GRXCR1: variants seen among roughly 807,000 people sequenced by gnomAD.
GRXCR1 encodes glutaredoxin and cysteine rich domain containing 1.
Under a neutral mutation model 27.3 loss-of-function variants are expected in GRXCR1, and 27 were observed. That is an observed-to-expected ratio of 0.99 (90% confidence interval 0.73 to 1.37). The LOEUF is 1.37. GRXCR1 is among the 40% of genes most tolerant of loss of function. GRXCR1 has a pLI of 0.00. For synonymous variants in GRXCR1, 122 were observed against 131.1 expected, an observed-to-expected ratio of 0.93 and a Z score of 0.47; for missense variants, 379 against 354.4, an observed-to-expected ratio of 1.07 and a Z score of -0.56.
At chr4:42,897,921 CTATTATTAT>C (rs3075913) in intron 1 of GRXCR1, among the ~76,000 whole-genome samples, 22 of 127,060 alleles carry the variant, frequency 1.7e-4, no homozygotes, top group African/African-American at 5.5e-4. Context: ...AAAGTTATTA[CTATTATTAT>C]TATTATTATT....
intron 2 of GRXCR1, among the ~76,000 whole-genome samples, chr4:43,012,121 T>G (rs1056713406): frequency 6.6e-6 from 1 of 152,242 alleles, no homozygotes; most frequent in Admixed American, 6.5e-5. Context: ...AAAAAAAAAT[T>G]GACTCAATTT....
intron 1 of GRXCR1, among the ~76,000 whole-genome samples, chr4:42,947,816 A>G (rs148205196): frequency 1.7e-3 from 258 of 152,334 alleles, no homozygotes; most frequent in African/African-American, 6.1e-3. Context: ...TTGAATATAC[A>G]ATCAATAATA....
chr4:42,963,034 C>T lies in GRXCR1; in HGVS notation c.527C>T (p.Ala176Val), dbSNP rs781151937. Reference protein sequence around the residue: ...HRVKFEEKNIALNGEYGKELD... With the variant: ...HRVKFEEKNIVLNGEYGKELD... ...GTAAAATTTGAAGAGAAAAACATAG[C>T]CCTGAATGGTGAATATGGAAAAGAG... Residue 176 changes from alanine to valine, a missense_variant, in exon 2 of 4, where the codon GCC becomes GTC. By Grantham distance (64) the Ala-to-Val change is moderately conservative. Transcript: ENST00000399770. The T allele has an allele frequency of 6.2e-7, 1 of 1,612,758 alleles. No individual in the cohort carries two copies. Among genetic ancestry groups the T allele is most frequent in the Non-Finnish European group, 8.5e-7 (1 of 1,179,066 alleles).
chr4:42,928,380 G>A (rs759420660), intron 1 of GRXCR1, among the ~76,000 whole-genome samples: 2 of 151,978 alleles, frequency 1.3e-5, no homozygotes, highest in African/African-American at 2.4e-5. Context: ...CAGGAAGCTT[G>A]GTTCCTTATG....
chr4:42,951,566 C>A (rs923077021), intron 1 of GRXCR1, among the ~76,000 whole-genome samples: 5 of 152,164 alleles, frequency 3.3e-5, no homozygotes, highest in African/African-American at 1.2e-4. Flanking sequence ...CATCGTAATG[C>A]TGCAATGAAC....
At position 42,932,038 on chromosome 4, in the gene GRXCR1, G is replaced by T. The variant is rs892012418; in HGVS notation, c.385-30854G>T. On this transcript the variant is annotated intron_variant, in intron 1 of 3. Coordinates refer to ENST00000399770, the MANE Select transcript of GRXCR1 (RefSeq NM_001080476.3). Reference sequence around the variant, plus strand: ...ACTATCAGGCAAACAGCACGGAAAAGACCCACCCCCATGATTCAGTTACCT... The same window carrying T: ...ACTATCAGGCAAACAGCACGGAAAATACCCACCCCCATGATTCAGTTACCT... Among the ~76,000 whole-genome samples the T allele has an allele frequency of 1.5e-4, 23 of 151,852 alleles. 1 individual carries two copies. The highest frequency in any genetic ancestry group is 5.3e-4 in the African/African-American group (22 of 41,390).
intron 2 of GRXCR1, among the ~76,000 whole-genome samples, chr4:43,015,764 A>G (rs907304385): frequency 6.6e-6 from 1 of 151,300 alleles, no homozygotes; most frequent in Non-Finnish European, 1.5e-5. Flanking sequence ...ATAAATTAAA[A>G]TAAATAAAAC....
Position 42,954,224 on chromosome 4 carries a change from G to A in GRXCR1, c.385-8668G>A, listed in dbSNP as rs568289964. 1.6e-4 allele frequency among the ~76,000 whole-genome samples: 25 copies of A among 152,254 alleles called. No individual in the cohort carries two copies. The South Asian group carries it at 5.2e-3, about 32-fold the overall frequency. ...TAGCAAAGAACTGGGTAAGAGGATA[G>A]AGGGGTTTCCCATAGTGCGATGAGG... On this transcript the variant is annotated intron_variant, in intron 1 of 3. Transcript: ENST00000399770.
At chr4:42,926,154 A>G (rs890496211) in intron 1 of GRXCR1, among the ~76,000 whole-genome samples, 6 of 152,040 alleles carry the variant, frequency 3.9e-5, no homozygotes, top group Non-Finnish European at 8.8e-5. Context: ...ACTATGTTGT[A>G]GGATTTCATA....
In GRXCR1 at chr4:42,893,023, T is replaced by C. The variant is rs1041439149; in HGVS notation, c.-244T>C. Among the ~76,000 whole-genome samples the C allele has an allele frequency of 6.6e-6, 1 of 152,136 alleles. No individual in the cohort carries two copies. The highest frequency in any genetic ancestry group is 2.4e-5 in the African/African-American group (1 of 41,446). Reference sequence around the variant, plus strand: ...AAGAGTCCACCATGGCTATTTAATATTTAAAGGCTGAGATCATTTTGCGGG... The same window carrying C: ...AAGAGTCCACCATGGCTATTTAATACTTAAAGGCTGAGATCATTTTGCGGG... On this transcript the variant is annotated 5_prime_UTR_variant, in exon 1 of 4. Coordinates refer to ENST00000399770, the MANE Select transcript of GRXCR1 (RefSeq NM_001080476.3).
Position 43,020,376 on chromosome 4 carries a change from T to C in GRXCR1, c.650T>C (p.Met217Thr). 2 of 1,612,200 alleles carry C rather than the reference T, an allele frequency of 1.2e-6. No homozygotes were observed. The highest frequency in any genetic ancestry group is 2.2e-5 in the East Asian group (1 of 44,842). Residue 217 changes from methionine to threonine, a missense_variant, in exon 3 of 4, where the codon ATG becomes ACG. Met to Thr is a moderately conservative substitution (Grantham distance 81). Coordinates refer to ENST00000399770, the MANE Select transcript of GRXCR1 (RefSeq NM_001080476.3). ...TAGGGTGCTGAGAAAATTTTGTCAA[T>C]GAATGAATCAGGAGAACTGCAAGAC... ...YLGGAEKILSMNESGELQDIL... is the reference protein window; with the variant it reads ...YLGGAEKILSTNESGELQDIL...
intron 1 of GRXCR1, among the ~76,000 whole-genome samples, chr4:42,945,577 A>G (rs1418577024): frequency 2.0e-5 from 3 of 152,146 alleles, no homozygotes; most frequent in Admixed American, 6.6e-5. Flanking sequence ...CTGGCTGAAG[A>G]AGTGGCTGTG....
At chr4:42,940,836 G>C (rs370388363) in intron 1 of GRXCR1, among the ~76,000 whole-genome samples, 1 of 151,926 alleles carries the variant, frequency 6.6e-6, no homozygotes, top group Non-Finnish European at 1.5e-5. Flanking sequence ...GTGATAGAGA[G>C]ACATCAAAAT....
intron 1 of GRXCR1, among the ~76,000 whole-genome samples, chr4:42,898,192 T>G (rs1746390859): frequency 6.6e-6 from 1 of 152,038 alleles, no homozygotes; most frequent in Non-Finnish European, 1.5e-5. Context: ...TAATCTGGCC[T>G]TTTGAAATTT....
At chr4:42,967,706 T>C (rs1026854001) in intron 2 of GRXCR1, among the ~76,000 whole-genome samples, 4 of 152,244 alleles carry the variant, frequency 2.6e-5, no homozygotes, top group African/African-American at 9.6e-5. Flanking sequence ...ATATTCATTG[T>C]TGGGATAATT....
chr4:42,931,317 A>G (rs542293769), intron 1 of GRXCR1, among the ~76,000 whole-genome samples: 10 of 151,964 alleles, frequency 6.6e-5, no homozygotes, highest in Non-Finnish European at 1.2e-4. Flanking sequence ...CCACCCTCCA[A>G]TTGGAGTTGT....
chr4:42,973,122 C>T (rs1250394241), intron 2 of GRXCR1, among the ~76,000 whole-genome samples: 1 of 152,110 alleles, frequency 6.6e-6, no homozygotes, highest in African/African-American at 2.4e-5. Context: ...AGTCTATAGT[C>T]ACTTGTTGCT....
chr4:42,934,827 T>C (rs1747419829), intron 1 of GRXCR1, among the ~76,000 whole-genome samples: 1 of 151,980 alleles, frequency 6.6e-6, no homozygotes, highest in Non-Finnish European at 1.5e-5. Context: ...GACGAGGCCA[T>C]GTCAATGAGC....
At chr4:43,011,090 C>T (rs1712735344) in intron 2 of GRXCR1, among the ~76,000 whole-genome samples, 1 of 152,198 alleles carries the variant, frequency 6.6e-6, no homozygotes, top group African/African-American at 2.4e-5. Context: ...TTCTTCCCTT[C>T]AGGACTACAG....
Sources: gnomAD v4.1 joint callset for allele counts (sites outside exome capture counted in the v4.1 genomes callset) on GRCh38, gnomAD v4.1.1 for gene constraint, MANE v1.5 for transcripts, NCBI Gene and HGNC (gene_info 2026-07-23, HGNC 2026-07-21) for gene names.